Variants in PCCA observed in about 807,000 individuals in gnomAD.
PCCA encodes propionyl-CoA carboxylase subunit alpha, also known as propionyl-CoA carboxylase alpha chain, mitochondrial.
A neutral mutation model predicts 101.3 loss-of-function variants in PCCA; 74 were observed. The observed-to-expected ratio is 0.73, with a 90% CI of 0.61 to 0.89. PCCA has a LOEUF of 0.89. PCCA is among the 40% of genes least tolerant of loss of function. The pLI, the probability that PCCA is intolerant of heterozygous loss-of-function variation, is 0.00. For synonymous variants in PCCA, 294 were observed against 313.6 expected, an observed-to-expected ratio of 0.94 and a Z score of 0.66; for missense variants, 891 against 907.0, an observed-to-expected ratio of 0.98 and a Z score of 0.23.
chr13:100,409,126 C>G (rs915523426), intron 19 of PCCA, among the ~76,000 whole-genome samples: 5 of 152,116 alleles, frequency 3.3e-5, no homozygotes, highest in East Asian at 1.9e-4. Flanking sequence ...GCTCTCTGGT[C>G]CCTCCCAAAA....
intron 18 of PCCA, among the ~76,000 whole-genome samples, chr13:100,346,715 A>G (rs191883934): frequency 1.3e-5 from 2 of 152,174 alleles, no homozygotes; most frequent in African/African-American, 2.4e-5. Context: ...GGAAGAATCA[A>G]TTGGTTTAGC....
At chr13:100,410,628 C>G (rs1324940419) in intron 19 of PCCA, among the ~76,000 whole-genome samples, 1 of 152,184 alleles carries the variant, frequency 6.6e-6, no homozygotes, top group African/African-American at 2.4e-5. Flanking sequence ...TCCTTGCACA[C>G]CACTGTTTTT....
At chr13:100,472,491 A>G (rs2083095910) in intron 21 of PCCA, among the ~76,000 whole-genome samples, 1 of 152,146 alleles carries the variant, frequency 6.6e-6, no homozygotes, top group African/African-American at 2.4e-5. Flanking sequence ...TGCCCTTGAG[A>G]GGAGAATTTA....
At chr13:100,439,585 T>C (rs2080193689) in intron 20 of PCCA, among the ~76,000 whole-genome samples, 1 of 152,180 alleles carries the variant, frequency 6.6e-6, no homozygotes, top group Non-Finnish European at 1.5e-5. Flanking sequence ...AAAGAAGTTC[T>C]TCAATTTTGC....
chr13:100,200,547 AATATAC>A (rs2058412533), intron 6 of PCCA, among the ~76,000 whole-genome samples: 1 of 151,844 alleles, frequency 6.6e-6, no homozygotes, highest in Non-Finnish European at 1.5e-5. Context: ...TAGGAAAAAA[AATATAC>A]ATATATATTA....
chr13:100,393,360 A>G (rs986326874), intron 19 of PCCA, among the ~76,000 whole-genome samples: 3 of 151,726 alleles, frequency 2.0e-5, no homozygotes, highest in African/African-American at 7.3e-5. Flanking sequence ...TTGTCAAACC[A>G]AGTTTTTAAA....
At chr13:100,178,777 T>A (rs558870935) in intron 6 of PCCA, among the ~76,000 whole-genome samples, 12 of 152,262 alleles carry the variant, frequency 7.9e-5, no homozygotes, top group African/African-American at 2.2e-4. Context: ...CACATTTTTT[T>A]AATTAATTAA....
chr13:100,289,598 G>A (rs1024004111), intron 12 of PCCA, among the ~76,000 whole-genome samples: 1 of 150,438 alleles, frequency 6.6e-6, no homozygotes, highest in Non-Finnish European at 1.5e-5. Flanking sequence ...TTTTCTGTTT[G>A]TTGCTTGAAA....
intron 21 of PCCA, among the ~76,000 whole-genome samples, chr13:100,475,003 T>C (rs1355849065): frequency 6.6e-6 from 1 of 152,158 alleles, no homozygotes; most frequent in Non-Finnish European, 1.5e-5. Context: ...TTATGTTTCA[T>C]TCAATATTTG....
At chr13:100,240,967 G>A (rs902066587) in intron 8 of PCCA, among the ~76,000 whole-genome samples, 1 of 152,266 alleles carries the variant, frequency 6.6e-6, no homozygotes, top group African/African-American at 2.4e-5. Context: ...CCACCAAGGT[G>A]CTGAACATAC....
chr13:100,286,343 C>G (rs2064649165), intron 12 of PCCA, among the ~76,000 whole-genome samples: 1 of 152,188 alleles, frequency 6.6e-6, no homozygotes, highest in Non-Finnish European at 1.5e-5. Context: ...CACGTGGCCC[C>G]TGCTGCTGTG....
chr13:100,440,614 T>C (rs1383401658), intron 20 of PCCA, among the ~76,000 whole-genome samples: 1 of 152,014 alleles, frequency 6.6e-6, no homozygotes, highest in African/African-American at 2.4e-5. Context: ...ACAAATGAAT[T>C]GGGAAGTAAT....
chr13:100,451,715 C>CCTCTCTCTCTCTCTCTCTCTCT (rs71114697), intron 21 of PCCA, among the ~76,000 whole-genome samples: 2 of 95,986 alleles, frequency 2.1e-5, no homozygotes, highest in Admixed American at 1.0e-4. Flanking sequence ...TCTCCTCTCT[C>CCTCTCTCTCTCTCTCTCTCTCT]CTCTCTCTCT....
At chr13:100,273,088 T>C in intron 11 of PCCA, 108 bp from the exon 12 acceptor site, 2 of 761,338 alleles carry the variant, frequency 2.6e-6, no homozygotes, top group South Asian at 1.6e-5. Flanking sequence ...TAAATTGGTA[T>C]AGATGATCTA....
intron 8 of PCCA, among the ~76,000 whole-genome samples, chr13:100,248,847 A>G (rs552894392): frequency 3.4e-4 from 51 of 152,022 alleles, no homozygotes; most frequent in Non-Finnish European, 6.9e-4. Context: ...CCCGGGTTCA[A>G]GTGATCCTCC....
At chr13:100,238,232 A>C (rs1031280870) in intron 8 of PCCA, among the ~76,000 whole-genome samples, 3 of 151,978 alleles carry the variant, frequency 2.0e-5, no homozygotes, top group Non-Finnish European at 2.9e-5. Flanking sequence ...AAGCCAGTGC[A>C]CCTGGCCATT....
intron 15 of PCCA, among the ~76,000 whole-genome samples, chr13:100,307,895 G>A (rs2066585209): frequency 6.6e-6 from 1 of 152,104 alleles, no homozygotes; most frequent in Admixed American, 6.5e-5. Flanking sequence ...GTCTCGCTCT[G>A]TCCGCCAGCC....
intron 6 of PCCA, among the ~76,000 whole-genome samples, chr13:100,200,912 T>G (rs2058442826): frequency 6.6e-6 from 1 of 152,168 alleles, no homozygotes; most frequent in South Asian, 2.1e-4. Flanking sequence ...ATTGCAGAAC[T>G]TTAACCTCTT....
chr13:100,301,751 GAT>G, intron 13 of PCCA, 148 bp downstream of exon 13: 1 of 958,772 alleles, frequency 1.0e-6, no homozygotes, highest in Non-Finnish European at 1.7e-6. Flanking sequence ...AAAAAAATTA[GAT>G]AATTTTGACC....
Sources: allele counts gnomAD v4.1 joint callset (sites outside exome capture counted in the v4.1 genomes callset), GRCh38; gene constraint gnomAD v4.1.1; transcripts MANE v1.5; gene names NCBI Gene and HGNC (gene_info 2026-07-23, HGNC 2026-07-21).